SLK: variants seen among roughly 807,000 people sequenced by gnomAD.
SLK encodes the protein STE20 like kinase.
Under a neutral mutation model 147.7 loss-of-function variants are expected in SLK, and 67 were observed. That is an observed-to-expected ratio of 0.45 (90% confidence interval 0.37 to 0.56). SLK has a LOEUF of 0.56. Among genes scored for constraint, SLK ranks in the 20% least tolerant of loss-of-function variants. The probability of loss-of-function intolerance (pLI) is 0.00; values close to 1 mark genes in which losing one functional copy is unlikely to be tolerated. For synonymous variants in SLK, 441 were observed against 475.0 expected (o/e 0.93, Z 0.93); for missense variants, 1,136 against 1,438.8 (o/e 0.79, Z 3.41).
intron 13 of SLK, among the ~76,000 whole-genome samples, chr10:104,015,529 CTT>C (rs560761002): frequency 6.4e-4 from 98 of 152,312 alleles, no homozygotes; most frequent in African/African-American, 2.3e-3. Flanking sequence ...ACCCACTACT[CTT>C]TATGTGGACT....
intron 13 of SLK, among the ~76,000 whole-genome samples, chr10:104,014,358 ATTCT>A (rs1202976685): frequency 6.6e-6 from 1 of 152,166 alleles, no homozygotes; most frequent in Non-Finnish European, 1.5e-5. Flanking sequence ...TCCAAGCTGT[ATTCT>A]TTCTTGCAGT....
At chr10:104,019,700 C>T in intron 15 of SLK, 34 bp from the exon 16 acceptor site, 1 of 1,520,706 alleles carries the variant, frequency 6.6e-7, no homozygotes, top group South Asian at 1.1e-5. Flanking sequence ...ACTATTGTTT[C>T]TGCGTCACTG....
chr10:103,973,831 C>T (rs1843825156), intron 1 of SLK, among the ~76,000 whole-genome samples: 2 of 152,098 alleles, frequency 1.3e-5, no homozygotes, highest in African/African-American at 4.8e-5. Flanking sequence ...CTAAATATGT[C>T]TTTATTATAA....
intron 9 of SLK, among the ~76,000 whole-genome samples, chr10:104,004,452 G>A (rs1844297879): frequency 6.6e-6 from 1 of 152,168 alleles, no homozygotes; most frequent in African/African-American, 2.4e-5. Context: ...TTTAGTAGGA[G>A]CTGAAGAAAT....
chr10:104,024,365 G>T (rs805683), intron 18 of SLK, among the ~76,000 whole-genome samples: 30,984 of 152,100 alleles, frequency 0.2, 3,432 homozygotes, highest in African/African-American at 0.28. Context: ...GAAATCTTCA[G>T]TTCCATCAGA....
rs967791467 is a variant in SLK at position 104,003,436 on chromosome 10, G to T, written c.2258G>T (p.Gly753Val). The T allele has an allele frequency of 3.7e-6, 6 of 1,613,642 alleles. No individual in the cohort carries two copies. The highest frequency in any genetic ancestry group is 5.1e-6 in the Non-Finnish European group (6 of 1,179,614). ...PKENDNDSGT[G>V]STADTSSIDL... ...GAAAATGATAATGATTCAGGCACTG[G>T]TTCCACTGCTGATACTAGCAGTATT... Residue 753 changes from glycine (G) to valine (V), a missense_variant, in exon 9 of 19, where the codon GGT becomes GTT. Around this residue, in one of 6 missense-constraint regions of SLK, gnomAD observed 516 missense variants for 531.3 expected, o/e 0.97. Transcript: ENST00000369755.
intron 2 of SLK, 96 bp downstream of exon 2, chr10:103,990,935 C>T (rs1194976142): frequency 1.5e-6 from 1 of 652,854 alleles, no homozygotes; most frequent in Non-Finnish European, 2.3e-6. Flanking sequence ...TATGTCTTAT[C>T]TCTTCTATTT....
At chr10:104,003,778 G>A (rs2134500889) in intron 9 of SLK, among the ~76,000 whole-genome samples, 1 of 152,266 alleles carries the variant, frequency 6.6e-6, no homozygotes, top group Middle Eastern at 3.4e-3. Flanking sequence ...GTTGCTTGGT[G>A]TGATTAGGTT....
rs539433277 is a variant in SLK at position 103,977,250 on chromosome 10, G to C, written c.150+9355G>C. 3.3e-5 allele frequency among the ~76,000 whole-genome samples: 5 copies of C among 152,132 alleles called. No homozygotes were observed. The East Asian group carries it at 5.8e-4, about 18-fold the overall frequency. Reference sequence around the variant, plus strand: ...TTTAAATTAGAAAATAAATTTATTAGAAAACAAAGGTTGAAAATAAACAGA... The same window carrying C: ...TTTAAATTAGAAAATAAATTTATTACAAAACAAAGGTTGAAAATAAACAGA... On this transcript the variant is annotated intron_variant, in intron 1 of 18. Transcript: ENST00000369755.
At chr10:103,983,866 T>C (rs1437412199) in intron 1 of SLK, among the ~76,000 whole-genome samples, 1 of 152,170 alleles carries the variant, frequency 6.6e-6, no homozygotes, top group Non-Finnish European at 1.5e-5. Flanking sequence ...CAGCACCAGC[T>C]GAGCAGCACT....
chr10:103,972,887 T>G (rs1843813140), intron 1 of SLK, among the ~76,000 whole-genome samples: 1 of 151,990 alleles, frequency 6.6e-6, no homozygotes, highest in Admixed American at 6.5e-5. Flanking sequence ...TCTTGAAGTC[T>G]TTGTTTGTAT....
chr10:103,972,705 T>G (rs1843810644), intron 1 of SLK, among the ~76,000 whole-genome samples: 2 of 152,186 alleles, frequency 1.3e-5, no homozygotes, highest in Non-Finnish European at 2.9e-5. Context: ...CTCTGCATCT[T>G]TGCTAACATT....
At chr10:103,970,184 T>C (rs1277352650) in intron 1 of SLK, among the ~76,000 whole-genome samples, 1 of 152,202 alleles carries the variant, frequency 6.6e-6, no homozygotes, top group African/African-American at 2.4e-5. Context: ...ATTACTGTTA[T>C]TACATTTAGA....
chr10:104,014,811 A>G (rs1224847888), intron 13 of SLK, among the ~76,000 whole-genome samples: 3 of 152,054 alleles, frequency 2.0e-5, no homozygotes, highest in Admixed American at 6.5e-5. Flanking sequence ...TTTACAATTT[A>G]TGTGTTTACT....
At chr10:103,972,416 T>TA (rs1319644477) in intron 1 of SLK, among the ~76,000 whole-genome samples, 1 of 152,226 alleles carries the variant, frequency 6.6e-6, no homozygotes, top group Non-Finnish European at 1.5e-5. Context: ...CTCATGCCTG[T>TA]ATTCCCAGCA....
intron 3 of SLK, 56 bp from the exon 4 acceptor site, chr10:103,992,922 AGCCTGC>A: frequency 8.1e-7 from 1 of 1,230,258 alleles, no homozygotes; most frequent in Non-Finnish European, 1.2e-6. Flanking sequence ...AAAGGTATAT[AGCCTGC>A]TAATATGTTT....
intron 1 of SLK, among the ~76,000 whole-genome samples, chr10:103,982,431 A>G (rs1843958641): frequency 6.6e-6 from 1 of 152,214 alleles, no homozygotes; most frequent in African/African-American, 2.4e-5. Context: ...TTGACTGACC[A>G]GTGACTAAAT....
rs1844636100 is a variant in SLK at position 104,029,229 on chromosome 10, A to G, written c.*3509A>G. On this transcript the variant is annotated 3_prime_UTR_variant, in exon 19 of 19. Coordinates refer to ENST00000369755, the MANE Select transcript of SLK (RefSeq NM_014720.4). ...ACATGAAAAATAAAGTTATTTCTTA[A>G]TCAATTTTGGGAAGCAGTCTTTTAT... 1.3e-5 allele frequency: 2 copies of G among 152,220 alleles called. No homozygotes were observed. Among genetic ancestry groups the G allele is most frequent in the African/African-American group, 4.8e-5 (2 of 41,446 alleles). The allele number at this position is 152,220 out of a possible 1,614,324, so 9.4% of individuals were successfully genotyped here.
In SLK at chr10:103,992,421, A is replaced by G. The variant is rs1451386329; in HGVS notation, c.316-177A>G. ...TTTCACAGTGGGCTTTATCAAATGC[A>G]TATTGTTTGAGATTTGTAACTCTTT... On this transcript the variant is annotated intron_variant, in intron 2 of 18. Coordinates refer to ENST00000369755, the MANE Select transcript of SLK (RefSeq NM_014720.4). 1.3e-5 allele frequency among the ~76,000 whole-genome samples: 2 copies of G among 152,012 alleles called. 1 individual carries two copies. Among genetic ancestry groups the G allele is most frequent in the East Asian group, 3.8e-4 (2 of 5,198 alleles).
Sources: gnomAD v4.1 joint callset for allele counts (sites outside exome capture counted in the v4.1 genomes callset) on GRCh38, gnomAD v4.1.1 for gene constraint, gnomAD v4.1.1 regional missense constraint, MANE v1.5 for transcripts, NCBI Gene and HGNC (gene_info 2026-07-23, HGNC 2026-07-21) for gene names.